Variants in RAB3C observed in about 807,000 individuals in gnomAD.
The protein encoded by RAB3C is ras-related protein Rab-3C.
Under a neutral mutation model 26.4 loss-of-function variants are expected in RAB3C, and 17 were observed. The observed-to-expected ratio is 0.64, with a 90% CI of 0.44 to 0.97. The LOEUF (loss-of-function observed/expected upper bound fraction) is 0.97. RAB3C is among the 50% of genes least tolerant of loss of function. RAB3C has a pLI of 0.00. For synonymous variants in RAB3C, 91 were observed against 95.9 expected, an observed-to-expected ratio of 0.95 and a Z score of 0.30; for missense variants, 242 against 281.9, an observed-to-expected ratio of 0.86 and a Z score of 1.01.
In RAB3C at chr5:58,825,079, T is replaced by A; in HGVS notation, c.413T>A (p.Val138Asp). The change falls in exon 4 of 5, where the codon GTT becomes GAT. Residue 138 changes from valine to aspartate, a missense_variant. Val to Asp is a radical substitution (Grantham distance 152). Coordinates refer to ENST00000282878, the MANE Select transcript of RAB3C (RefSeq NM_138453.4). ...ACATACTCTTGGGACAATGCCCAAG[T>A]TATTCTGGTTGGGAACAAGTGTGAC... is the stretch of plus-strand genomic sequence containing the variant. ...IKTYSWDNAQ[V>D]ILVGNKCDME... The A allele has an allele frequency of 6.2e-7, 1 of 1,613,442 alleles. No individual in the cohort carries two copies. Among genetic ancestry groups the A allele is most frequent in the Non-Finnish European group, 8.5e-7 (1 of 1,179,590 alleles).
intron 2 of RAB3C, among the ~76,000 whole-genome samples, chr5:58,715,224 T>G (rs1427430838): frequency 6.6e-6 from 1 of 152,010 alleles, no homozygotes; most frequent in Non-Finnish European, 1.5e-5. Flanking sequence ...GAGTTTCCTG[T>G]GCATCTTTTT....
chr5:58,856,940 C>G lies in RAB3C; in HGVS notation c.*5589C>G, dbSNP rs1744272983. 6.6e-6 allele frequency: 1 copy of G among 152,156 alleles called. No individual in the cohort carries two copies. Among genetic ancestry groups the G allele is most frequent in the Non-Finnish European group, 1.5e-5 (1 of 68,036 alleles). 9.4% of individuals were successfully genotyped at this position (152,156 alleles called of 1,614,324 possible). On this transcript the variant is annotated 3_prime_UTR_variant, in exon 5 of 5. Coordinates refer to ENST00000282878, the MANE Select transcript of RAB3C (RefSeq NM_138453.4). ...ATTCCTGTTAATATATTGTTAATGT[C>G]AGACGTGATGTGATACCGTTAGACT...
intron 3 of RAB3C, among the ~76,000 whole-genome samples, chr5:58,787,178 A>C (rs1012228832): frequency 2.0e-5 from 3 of 152,228 alleles, no homozygotes; most frequent in African/African-American, 4.8e-5. Context: ...GGGAGCTCAG[A>C]GCTGAAAATA....
At chr5:58,587,558 G>A (rs1746038248) in intron 1 of RAB3C, among the ~76,000 whole-genome samples, 1 of 152,048 alleles carries the variant, frequency 6.6e-6, no homozygotes, top group Admixed American at 6.6e-5. Context: ...TCGTTCATTA[G>A]TTTATAGGTT....
chr5:58,786,499 G>A (rs1258223461), intron 3 of RAB3C, among the ~76,000 whole-genome samples: 2 of 151,978 alleles, frequency 1.3e-5, no homozygotes, highest in African/African-American at 4.8e-5. Flanking sequence ...TCTCCTCCCC[G>A]CCCCTTCAGC....
intron 2 of RAB3C, among the ~76,000 whole-genome samples, chr5:58,649,927 T>C (rs113607474): frequency 1.1e-4 from 16 of 152,220 alleles, no homozygotes; most frequent in Non-Finnish European, 2.1e-4. Context: ...CAGCACTCTC[T>C]GTTGTTTTTT....
intron 3 of RAB3C, among the ~76,000 whole-genome samples, chr5:58,796,794 G>C (rs1742661282): frequency 6.6e-6 from 1 of 152,076 alleles, no homozygotes; most frequent in Non-Finnish European, 1.5e-5. Flanking sequence ...CCTCTTCCCA[G>C]CGTATGAGCT....
intron 2 of RAB3C, among the ~76,000 whole-genome samples, chr5:58,708,280 A>G (rs1396407820): frequency 6.6e-6 from 1 of 152,160 alleles, no homozygotes; most frequent in Non-Finnish European, 1.5e-5. Flanking sequence ...ATAAGCCACC[A>G]TGCCTGGCCC....
chr5:58,751,474 A>G (rs1741522497), intron 3 of RAB3C, among the ~76,000 whole-genome samples: 1 of 152,214 alleles, frequency 6.6e-6, no homozygotes, highest in Non-Finnish European at 1.5e-5. Context: ...CAGAAAGCAG[A>G]TTATAGATAG....
At chr5:58,664,641 G>A (rs1174429960) in intron 2 of RAB3C, among the ~76,000 whole-genome samples, 2 of 151,882 alleles carry the variant, frequency 1.3e-5, no homozygotes, top group Non-Finnish European at 2.9e-5. Context: ...CTAGGTGAGG[G>A]GTACACAGGA....
chr5:58,613,090 C>T (rs750912282), intron 1 of RAB3C, among the ~76,000 whole-genome samples: 2 of 152,066 alleles, frequency 1.3e-5, no homozygotes, highest in Admixed American at 6.6e-5. Context: ...CAAATGTGAA[C>T]AACTCTGAAG....
intron 2 of RAB3C, among the ~76,000 whole-genome samples, chr5:58,695,732 A>T (rs1266086837): frequency 1.3e-5 from 2 of 151,956 alleles, no homozygotes; most frequent in Admixed American, 1.3e-4. Flanking sequence ...TTTGTCTGTT[A>T]TTGGTGTATA....
In RAB3C at chr5:58,845,610, A is replaced by ATGTGTGTGTG. The variant is rs1363330767; in HGVS notation, c.497-5553_497-5552insGTGTGTGTGT. Reference sequence around the variant, plus strand: ...TGATTCTTACTATATATATATATATATATGTGTGTGTGTGTGTGTGTATAT... The same window carrying ATGTGTGTGTG: ...TGATTCTTACTATATATATATATATATGTGTGTGTGTATGTGTGTGTGTGTGTGTGTATAT... On this transcript the variant is annotated intron_variant, in intron 4 of 4. Transcript: ENST00000282878. Among the ~76,000 whole-genome samples, 6 of 53,230 alleles carry ATGTGTGTGTG rather than the reference A, an allele frequency of 1.1e-4. 1 individual carries two copies. The highest frequency in any genetic ancestry group is 4.7e-4 in the African/African-American group (5 of 10,634). The allele number at this position is 53,230 out of a possible 152,430, so 34.9% of individuals were successfully genotyped here.
intron 3 of RAB3C, among the ~76,000 whole-genome samples, chr5:58,774,739 G>T (rs552905378): frequency 6.6e-6 from 1 of 152,054 alleles, no homozygotes; most frequent in East Asian, 1.9e-4. Context: ...ATATGAAGGA[G>T]GTAAAGAAGC....
intron 4 of RAB3C, among the ~76,000 whole-genome samples, chr5:58,841,752 G>C (rs553367878): frequency 1.3e-5 from 2 of 152,278 alleles, no homozygotes; most frequent in Admixed American, 1.3e-4. Flanking sequence ...CCTAACTCCA[G>C]GCAGATCTGA....
intron 2 of RAB3C, among the ~76,000 whole-genome samples, chr5:58,641,654 C>A (rs1480378221): frequency 6.6e-6 from 1 of 152,164 alleles, no homozygotes; most frequent in African/African-American, 2.4e-5. Context: ...AGCAAACAAA[C>A]CTTCTGCAGG....
intron 2 of RAB3C, among the ~76,000 whole-genome samples, chr5:58,703,354 G>A (rs1748884919): frequency 6.6e-6 from 1 of 151,926 alleles, no homozygotes. Flanking sequence ...ACCTAATTTT[G>A]TATTTTTTGT....
At chr5:58,771,849 C>CTTTTTTTTTTTTT (rs540125417) in intron 3 of RAB3C, among the ~76,000 whole-genome samples, 6 of 131,940 alleles carry the variant, frequency 4.5e-5, no homozygotes, top group Admixed American at 1.5e-4. Flanking sequence ...TTTTCTTTTT[C>CTTTTTTTTTTTTT]TTTTTTTTTT....
At chr5:58,827,561 G>T (rs545827004) in intron 4 of RAB3C, among the ~76,000 whole-genome samples, 1 of 151,362 alleles carries the variant, frequency 6.6e-6, no homozygotes, top group Admixed American at 6.6e-5. Context: ...CTGCTCCATC[G>T]ACTGGCACAC....
Sources: allele counts gnomAD v4.1 joint callset (sites outside exome capture counted in the v4.1 genomes callset), GRCh38; gene constraint gnomAD v4.1.1; transcripts MANE v1.5; gene names NCBI Gene and HGNC (gene_info 2026-07-23, HGNC 2026-07-21).